IDE: variants seen among roughly 807,000 people sequenced by gnomAD.
The protein encoded by IDE is insulin degrading enzyme.
In IDE, 58 loss-of-function variants were observed where a neutral mutation model predicts 133.2. The observed-to-expected ratio is 0.44, with a 90% CI of 0.35 to 0.54. The LOEUF (loss-of-function observed/expected upper bound fraction) is 0.54. IDE is among the 20% of genes least tolerant of loss of function. IDE has a pLI of 0.00. For missense variants in IDE, 981 were observed against 1,234.0 expected, an observed-to-expected ratio of 0.79 and a Z score of 3.07; for synonymous variants, 396 against 421.3, an observed-to-expected ratio of 0.94 and a Z score of 0.73.
intron 19 of IDE, among the ~76,000 whole-genome samples, chr10:92,466,808 G>A (rs1276177741): frequency 1.3e-5 from 2 of 150,760 alleles, no homozygotes; most frequent in African/African-American, 4.9e-5. Context: ...AGTAGAGACG[G>A]GGTTTCACCA....
At chr10:92,478,680 T>C (rs1464149270) in intron 15 of IDE, 2 of 1,273,720 alleles carry the variant, frequency 1.6e-6, no homozygotes, top group Non-Finnish European at 2.0e-6. Flanking sequence ...ATGCCATAGC[T>C]CAAACCTGAG....
At chr10:92,471,839 C>A (rs1404758518) in intron 17 of IDE, among the ~76,000 whole-genome samples, 1 of 152,196 alleles carries the variant, frequency 6.6e-6, no homozygotes, top group African/African-American at 2.4e-5. Context: ...GCTAGGAATG[C>A]AGGCATGCAC....
intron 13 of IDE, 147 bp from the exon 14 acceptor site, chr10:92,483,484 C>G: frequency 1.7e-6 from 1 of 602,772 alleles, no homozygotes; most frequent in Admixed American, 2.9e-5. Context: ...GAAGCATACT[C>G]AAGAGTCAGC....
chr10:92,552,046 TG>T (rs572259519), intron 1 of IDE, among the ~76,000 whole-genome samples: 1 of 151,694 alleles, frequency 6.6e-6, no homozygotes, highest in African/African-American at 2.4e-5. Context: ...CCAACCATGA[TG>T]GGGGGGTGGG....
chr10:92,489,019 A>C (rs1309840301), intron 12 of IDE, among the ~76,000 whole-genome samples: 1 of 151,820 alleles, frequency 6.6e-6, no homozygotes, highest in Non-Finnish European at 1.5e-5. Flanking sequence ...TCTATTTAAA[A>C]AAAAAAACCA....
chr10:92,562,770 G>A (rs1364306688), intron 1 of IDE, among the ~76,000 whole-genome samples: 3 of 152,164 alleles, frequency 2.0e-5, no homozygotes, highest in Non-Finnish European at 4.4e-5. Context: ...AAAAAAAGAA[G>A]GAAAATCAGG....
rs143583824 is a variant in IDE at position 92,465,790 on chromosome 10, C to T, written c.2374G>A (p.Glu792Lys). ...TGCATGTCTGTTTGGTAGTATATCT[C>T]GATGCCACAGTTATTGTGAACTTCA... The part of the protein sequence containing the change: ...RNEVHNNCGI[E>K]IYYQTDMQST... The change falls in exon 20 of 25, where the codon GAG becomes AAG. Residue 792 changes from glutamate (E) to lysine (K), a missense_variant. Coordinates refer to ENST00000265986, the MANE Select transcript of IDE (RefSeq NM_004969.4). 5.0e-6 allele frequency: 8 copies of T among 1,613,930 alleles called. No individual in the cohort carries two copies. Among genetic ancestry groups the T allele is most frequent in the Non-Finnish European group, 5.9e-6 (7 of 1,179,882 alleles).
chr10:92,526,095 G>C (rs1215474666), intron 4 of IDE, among the ~76,000 whole-genome samples: 1 of 151,530 alleles, frequency 6.6e-6, no homozygotes, highest in Non-Finnish European at 1.5e-5. Flanking sequence ...GGAGGTTGCA[G>C]TGAGCTGAGA....
chr10:92,534,127 T>C (rs1204980489), intron 3 of IDE, among the ~76,000 whole-genome samples: 1 of 152,168 alleles, frequency 6.6e-6, no homozygotes, highest in East Asian at 1.9e-4. Flanking sequence ...TAAATCGGCC[T>C]AATGGAGCTT....
intron 1 of IDE, among the ~76,000 whole-genome samples, chr10:92,556,941 C>A (rs1228625433): frequency 3.4e-5 from 5 of 145,286 alleles, no homozygotes; most frequent in Non-Finnish European, 7.6e-5. Flanking sequence ...AAAAAAAAAA[C>A]TTATGCATAA....
At chr10:92,530,783 T>C (rs972930783) in intron 4 of IDE, among the ~76,000 whole-genome samples, 4 of 152,230 alleles carry the variant, frequency 2.6e-5, no homozygotes, top group Non-Finnish European at 5.9e-5. Context: ...CTTCAAAGTA[T>C]AATTTTTGAA....
At chr10:92,532,743 C>A (rs1850010483) in intron 3 of IDE, among the ~76,000 whole-genome samples, 1 of 150,504 alleles carries the variant, frequency 6.6e-6, no homozygotes, top group African/African-American at 2.5e-5. Flanking sequence ...AGAAACTTTA[C>A]ATCCCATTTT....
chr10:92,456,585 T>A (rs931705014), intron 22 of IDE, among the ~76,000 whole-genome samples, 154 bp from the exon 23 acceptor site: 3 of 152,076 alleles, frequency 2.0e-5, no homozygotes, highest in Admixed American at 6.6e-5. Context: ...ATGCCTGTAA[T>A]CCCAGCACTT....
At chr10:92,499,890 G>A (rs1480348162) in intron 11 of IDE, among the ~76,000 whole-genome samples, 2 of 152,140 alleles carry the variant, frequency 1.3e-5, no homozygotes, top group African/African-American at 4.8e-5. Context: ...TAAATAGTAT[G>A]AGGCAAAGGT....
At chr10:92,557,826 G>A (rs1452998652) in intron 1 of IDE, among the ~76,000 whole-genome samples, 1 of 138,752 alleles carries the variant, frequency 7.2e-6, no homozygotes, top group Admixed American at 7.9e-5. Context: ...GGAGGCGGAG[G>A]TTGCAGTCAC....
chr10:92,462,397 G>T (rs1341904313), intron 21 of IDE, among the ~76,000 whole-genome samples: 1 of 151,656 alleles, frequency 6.6e-6, no homozygotes, highest in Non-Finnish European at 1.5e-5. Context: ...GAGGCAGGGG[G>T]ATCACCTAAG....
intron 1 of IDE, among the ~76,000 whole-genome samples, chr10:92,561,167 A>C (rs1399373092): frequency 1.3e-5 from 2 of 151,868 alleles, no homozygotes; most frequent in African/African-American, 4.8e-5. Context: ...GAGGCAGGAG[A>C]ATCACTTCAA....
At chr10:92,520,311 C>T (rs1266823409) in intron 4 of IDE, among the ~76,000 whole-genome samples, 1 of 152,132 alleles carries the variant, frequency 6.6e-6, no homozygotes, top group African/African-American at 2.4e-5. Context: ...ATAAAGCTTA[C>T]AAACTCAGCA....
intron 14 of IDE, chr10:92,480,831 C>T (rs973417204): frequency 9.7e-6 from 4 of 413,518 alleles, no homozygotes; most frequent in Admixed American, 6.4e-5. Context: ...TAGGCTCAAG[C>T]GATCTTCCTG....
Sources: gnomAD v4.1 joint callset for allele counts (sites outside exome capture counted in the v4.1 genomes callset) on GRCh38, gnomAD v4.1.1 for gene constraint, MANE v1.5 for transcripts, NCBI Gene and HGNC (gene_info 2026-07-23, HGNC 2026-07-21) for gene names.